The following SLAMF9 variants were observed in gnomAD, a reference collection of about 807,000 sequenced individuals.
SLAMF9 encodes the protein SLAM family member 9, also known as CD2 family member 10.
Under a neutral mutation model 30.4 loss-of-function variants are expected in SLAMF9, and 25 were observed. The ratio of observed to expected loss-of-function variants is 0.82; its 90% CI spans 0.60 to 1.15. The LOEUF is 1.15. SLAMF9 is among the 50% of genes most tolerant of loss of function. The pLI is 0.00. For missense variants in SLAMF9, 344 were observed against 346.1 expected, an observed-to-expected ratio of 0.99 and a Z score of 0.05; for synonymous variants, 129 against 127.2, an observed-to-expected ratio of 1.01 and a Z score of -0.09.
At chr1:159,954,736 A>G (rs1292817253), upstream of SLAMF9, among the ~76,000 whole-genome samples, 1 of 152,110 alleles carries the variant, frequency 6.6e-6, no homozygotes, top group Non-Finnish European at 1.5e-5. Context: ...TTATGTTCCC[A>G]CCTGAGAGGC....
chr1:159,952,068 A>G (rs541391080), intron 3 of SLAMF9, among the ~76,000 whole-genome samples, 194 bp downstream of exon 3: 1 of 152,342 alleles, frequency 6.6e-6, no homozygotes, highest in Admixed American at 6.5e-5. Context: ...AAGCAAGAGA[A>G]AAGAAAAGAC....
At chr1:159,954,997 G>A (rs534398573), upstream of SLAMF9, among the ~76,000 whole-genome samples, 3 of 150,646 alleles carry the variant, frequency 2.0e-5, no homozygotes, top group South Asian at 4.2e-4. Flanking sequence ...AGAATCACTT[G>A]AACCCAGGAG....
the SLAMF9 span, chr1:159,977,000 AAGAAAG>A: frequency 4.7e-5 from 5 of 107,296 alleles, no homozygotes; most frequent in Admixed American, 1.7e-4. Flanking sequence ...GAAAGAAAGA[AAGAAAG>A]AGAAAGAAAG....
chr1:159,964,723 G>A, the SLAMF9 span, among the ~76,000 whole-genome samples: 1 of 152,146 alleles, frequency 6.6e-6, no homozygotes, highest in Non-Finnish European at 1.5e-5. Flanking sequence ...TTGTTGGCAG[G>A]ATTTTACTTG....
At chr1:159,954,400 C>A, upstream of SLAMF9, 1 of 351,256 alleles carries the variant, frequency 2.8e-6, no homozygotes, top group South Asian at 6.1e-5. Flanking sequence ...ATCCACCAAA[C>A]TCAGCCCAAA....
upstream of SLAMF9, among the ~76,000 whole-genome samples, chr1:159,959,000 C>T (rs927872343): frequency 1.3e-5 from 2 of 152,050 alleles, no homozygotes; most frequent in African/African-American, 4.8e-5. Context: ...TCTCCCTTAC[C>T]CTGGCTTAGG....
At chr1:159,976,971 AAGGAAAGAAGG>A in the SLAMF9 span, 3 of 40,184 alleles carry the variant, frequency 7.5e-5, no homozygotes, top group African/African-American at 1.6e-4. Flanking sequence ...AGAAAGAAAG[AAGGAAAGAAGG>A]AAAGAAGGAA....
In SLAMF9 at chr1:159,952,421, AG is replaced by A; in HGVS notation, c.504del (p.Trp169GlyfsTer80). On this transcript the variant is annotated frameshift_variant, in exon 3 of 4. Coordinates refer to ENST00000368093, the MANE Select transcript of SLAMF9 (RefSeq NM_033438.4). LOFTEE classifies it high-confidence loss of function. ...TAAGTGCTATCCCCCCGGGAGAGCC[AG>A]CTGTAGGTCATATCCATGCCTGCCT... Reference protein sequence around the residue: ...VEKAGMDMTYSWLSRGDSTYT... With the variant: ...VEKAGMDMTYXWLSRGDSTYT... 6.2e-7 allele frequency: 1 copy of A among 1,614,084 alleles called. No individual in the cohort carries two copies. The highest frequency in any genetic ancestry group is 1.1e-5 in the South Asian group (1 of 91,084).
At chr1:159,965,408 A>G in the SLAMF9 span, 1 of 151,952 alleles carries the variant, frequency 6.6e-6, no homozygotes, top group Non-Finnish European at 1.5e-5. Context: ...GGAGTTGTCA[A>G]CAGAAGGCTG....
chr1:159,970,870 G>A, the SLAMF9 span, among the ~76,000 whole-genome samples: 1 of 152,156 alleles, frequency 6.6e-6, no homozygotes, highest in Non-Finnish European at 1.5e-5. Context: ...TCATGGTTAT[G>A]TCTTATTGCA....
At chr1:159,974,553 C>T in the SLAMF9 span, among the ~76,000 whole-genome samples, 1 of 152,198 alleles carries the variant, frequency 6.6e-6, no homozygotes, top group Non-Finnish European at 1.5e-5. Flanking sequence ...CCTGATCTGG[C>T]TCGCTCCTAC....
At chr1:159,957,140 CA>C (rs143801500), upstream of SLAMF9, among the ~76,000 whole-genome samples, 1,283 of 104,786 alleles carry the variant, frequency 0.012, 38 homozygotes, top group African/African-American at 0.045. Flanking sequence ...AAAAAAAAGA[CA>C]AAAAAAAAAA....
chr1:159,961,672 G>A, the SLAMF9 span, among the ~76,000 whole-genome samples: 4 of 152,150 alleles, frequency 2.6e-5, no homozygotes, highest in East Asian at 3.8e-4. Context: ...AGTGTTCCTC[G>A]CAGAGGGAGC....
chr1:159,983,308 G>C, the SLAMF9 span: 2 of 152,304 alleles, frequency 1.3e-5, no homozygotes, highest in Non-Finnish European at 2.9e-5. Flanking sequence ...TCATCTGTTG[G>C]TTGTAATGCA....
the SLAMF9 span, among the ~76,000 whole-genome samples, chr1:159,971,723 G>A: frequency 6.6e-6 from 1 of 152,142 alleles, no homozygotes; most frequent in South Asian, 2.1e-4. Context: ...CAGAAGGTTA[G>A]GACGTGCAGT....
intron 2 of SLAMF9, among the ~76,000 whole-genome samples, chr1:159,952,914 C>A (rs1261888060): frequency 6.6e-6 from 1 of 152,162 alleles, no homozygotes; most frequent in Admixed American, 6.5e-5. Flanking sequence ...GTGACAGACA[C>A]TAAGAAGAAA....
At chr1:159,961,128 AAGTAGTTGCACC>A in the SLAMF9 span, 1 of 152,166 alleles carries the variant, frequency 6.6e-6, no homozygotes, top group African/African-American at 2.4e-5. Context: ...ATATATAATA[AAGTAGTTGCACC>A]AGTAATGTTT....
the SLAMF9 span, among the ~76,000 whole-genome samples, chr1:159,959,988 C>T: frequency 1.3e-5 from 2 of 151,622 alleles, no homozygotes; most frequent in African/African-American, 4.8e-5. Flanking sequence ...TGTAGCACAG[C>T]CTGTTTATCC....
chr1:159,976,072 G>T, the SLAMF9 span, among the ~76,000 whole-genome samples: 1 of 140,624 alleles, frequency 7.1e-6, no homozygotes. Context: ...ACTCAAGGAA[G>T]GAGTATAGGT....
Sources: gnomAD v4.1 joint callset for allele counts (sites outside exome capture counted in the v4.1 genomes callset) on GRCh38, gnomAD v4.1.1 for gene constraint, MANE v1.5 for transcripts, NCBI Gene and HGNC (gene_info 2026-07-23, HGNC 2026-07-21) for gene names.